The following DOCK2 variants were observed in gnomAD, a reference collection of about 807,000 sequenced individuals.
DOCK2 encodes the protein dedicator of cytokinesis 2.
Under a neutral mutation model 248.9 loss-of-function variants are expected in DOCK2, and 87 were observed. The observed-to-expected ratio is 0.35, with a 90% CI of 0.29 to 0.42. DOCK2 has a LOEUF of 0.42. Among genes scored for constraint, DOCK2 ranks in the 10% least tolerant of loss-of-function variants. DOCK2 has a pLI of 1.00. For missense variants in DOCK2, 1,747 were observed against 2,300.2 expected (o/e 0.76, Z 4.92); for synonymous variants, 805 against 821.6 (o/e 0.98, Z 0.35).
intron 27 of DOCK2, among the ~76,000 whole-genome samples, chr5:169,966,472 G>T (rs992374484): frequency 6.6e-6 from 1 of 152,136 alleles, no homozygotes; most frequent in Non-Finnish European, 1.5e-5. Context: ...TCCACTTAGG[G>T]AATGTAATCA....
chr5:170,073,809 A>G (rs912479249), intron 46 of DOCK2, among the ~76,000 whole-genome samples: 1 of 152,134 alleles, frequency 6.6e-6, no homozygotes, highest in Non-Finnish European at 1.5e-5. Flanking sequence ...CAATCCTAAT[A>G]TTGGTTATTA....
intron 27 of DOCK2, among the ~76,000 whole-genome samples, chr5:169,902,960 T>C (rs1406602556): frequency 6.6e-6 from 1 of 151,934 alleles, no homozygotes; most frequent in Non-Finnish European, 1.5e-5. Context: ...TAGCTGGGTG[T>C]GGTGGCACAT....
At chr5:169,842,559 C>T (rs868607572) in intron 27 of DOCK2, among the ~76,000 whole-genome samples, 1 of 152,054 alleles carries the variant, frequency 6.6e-6, no homozygotes, top group South Asian at 2.1e-4. Context: ...GGTTTTACTA[C>T]ATGTTGACCA....
At chr5:170,080,712 G>A (rs538038855) in intron 50 of DOCK2, 2 of 174,398 alleles carry the variant, frequency 1.1e-5, no homozygotes, top group South Asian at 2.9e-4. Context: ...AAAGTGTTTG[G>A]TGCATAGATG....
At chr5:169,719,955 T>A (rs1321795951) in intron 22 of DOCK2, among the ~76,000 whole-genome samples, 1 of 152,096 alleles carries the variant, frequency 6.6e-6, no homozygotes, top group African/African-American at 2.4e-5. Context: ...GTGATTGTGA[T>A]CATGACAATG....
Position 169,811,191 on chromosome 5 carries a change from G to A in DOCK2, c.2703+7985G>A, listed in dbSNP as rs559114076. On this transcript the variant is annotated intron_variant, in intron 26 of 51. Coordinates refer to ENST00000520908, the MANE Select transcript of DOCK2 (RefSeq NM_004946.3). ...CTGCCCCTGACCTGCGTGTGGGAAA[G>A]CAGTCCACCCTGCCTGTCTACGCTT... 5.8e-4 allele frequency among the ~76,000 whole-genome samples: 88 copies of A among 152,296 alleles called. 1 individual carries two copies. In the South Asian group the frequency reaches 0.017, roughly 30 times the overall value.
intron 49 of DOCK2, chr5:170,079,660 T>A (rs1287132900): frequency 6.1e-6 from 1 of 162,906 alleles, no homozygotes; most frequent in African/African-American, 2.4e-5. Flanking sequence ...AAATGAGACT[T>A]GGTTTCAGAC....
At chr5:169,797,475 G>C (rs1362458354) in intron 25 of DOCK2, among the ~76,000 whole-genome samples, 1 of 152,240 alleles carries the variant, frequency 6.6e-6, no homozygotes, top group East Asian at 1.9e-4. Context: ...TTTGCATTCA[G>C]GTAGGTAGCA....
At position 169,843,516 on chromosome 5, in the gene DOCK2, C is replaced by T. The variant is rs544077249; in HGVS notation, c.2799+2664C>T. Reference sequence around the variant, plus strand: ...CAGCCTGGGTGATAGAGTGAGACTCCGTCTCAAAATAAACAAATAAACAAA... The same window carrying T: ...CAGCCTGGGTGATAGAGTGAGACTCTGTCTCAAAATAAACAAATAAACAAA... On this transcript the variant is annotated intron_variant, in intron 27 of 51. Transcript: ENST00000520908. Among the ~76,000 whole-genome samples the T allele has an allele frequency of 2.8e-4, 43 of 152,184 alleles. No individual in the cohort carries two copies. In the South Asian group the frequency reaches 7.5e-3, roughly 26 times the overall value.
At position 169,971,962 on chromosome 5, in the gene DOCK2, C is replaced by T. The variant is rs1777523125; in HGVS notation, c.2800-11106C>T. 2.0e-5 allele frequency among the ~76,000 whole-genome samples: 3 copies of T among 152,090 alleles called. 1 individual carries two copies. In the South Asian group the frequency reaches 6.2e-4, roughly 32 times the overall value. ...ATTTCTCAGTATATATACTACCACT[C>T]CCTGCCCTTGCCCATGGCAGACATC... On this transcript the variant is annotated intron_variant, in intron 27 of 51. Transcript: ENST00000520908.
intron 14 of DOCK2, among the ~76,000 whole-genome samples, chr5:169,704,439 G>A (rs944269201): frequency 6.7e-6 from 1 of 148,496 alleles, no homozygotes; most frequent in African/African-American, 2.4e-5. Context: ...GGTGTCAAGG[G>A]CCTTGCTCAG....
At chr5:169,920,013 G>T (rs1279131485) in intron 27 of DOCK2, among the ~76,000 whole-genome samples, 1 of 152,128 alleles carries the variant, frequency 6.6e-6, no homozygotes, top group East Asian at 1.9e-4. Flanking sequence ...GTTGAATATA[G>T]AACCCAGCAC....
chr5:169,769,941 A>G (rs1764996999), intron 25 of DOCK2, among the ~76,000 whole-genome samples: 2 of 152,208 alleles, frequency 1.3e-5, no homozygotes, highest in Admixed American at 6.5e-5. Flanking sequence ...TTCCTGGTCT[A>G]TACACACGTT....
chr5:169,794,500 A>G (rs1766530512), intron 25 of DOCK2, among the ~76,000 whole-genome samples: 1 of 152,238 alleles, frequency 6.6e-6, no homozygotes, highest in Non-Finnish European at 1.5e-5. Flanking sequence ...GTATGCATAT[A>G]TATGTATATA....
Position 169,844,772 on chromosome 5 carries a change from G to A in DOCK2, c.2799+3920G>A, listed in dbSNP as rs191909310. Among the ~76,000 whole-genome samples the A allele has an allele frequency of 2.0e-3, 288 of 141,614 alleles. 1 individual carries two copies. Among genetic ancestry groups the A allele is most frequent in the African/African-American group, 6.8e-3 (259 of 37,836 alleles). The allele number at this position is 141,614 out of a possible 152,430, so 92.9% of individuals were successfully genotyped here. On this transcript the variant is annotated intron_variant, in intron 27 of 51. Coordinates refer to ENST00000520908, the MANE Select transcript of DOCK2 (RefSeq NM_004946.3). ...TTGAGTCATTTTTATCTATGAACTT[G>A]TCACAGCTCCTCTCTTAGACTGTAA...
chr5:169,717,021 T>C (rs879889300), intron 20 of DOCK2, among the ~76,000 whole-genome samples: 1 of 152,220 alleles, frequency 6.6e-6, no homozygotes, highest in African/African-American at 2.4e-5. Flanking sequence ...ATGACAAATA[T>C]ATACTTTGAT....
At chr5:170,047,659 C>T in intron 40 of DOCK2, 45 bp downstream of exon 40, 1 of 1,553,132 alleles carries the variant, frequency 6.4e-7, no homozygotes, top group East Asian at 2.3e-5. Flanking sequence ...GCCCCAGGGC[C>T]TCGGCATCTC....
At chr5:169,773,347 A>C (rs1765202153) in intron 25 of DOCK2, among the ~76,000 whole-genome samples, 1 of 152,198 alleles carries the variant, frequency 6.6e-6, no homozygotes. Flanking sequence ...AATACTTAGA[A>C]TAGCAGCTTT....
At chr5:169,915,556 GAACA>G (rs905239168) in intron 27 of DOCK2, among the ~76,000 whole-genome samples, 1 of 110,506 alleles carries the variant, frequency 9.0e-6, no homozygotes, top group African/African-American at 3.8e-5. Context: ...AATTGACAGG[GAACA>G]CACACACACA....
Sources: gnomAD v4.1 joint callset for allele counts (sites outside exome capture counted in the v4.1 genomes callset) on GRCh38, gnomAD v4.1.1 for gene constraint, MANE v1.5 for transcripts, NCBI Gene and HGNC (gene_info 2026-07-23, HGNC 2026-07-21) for gene names.